Variants in TLN2 observed in about 807,000 individuals in gnomAD.
TLN2 encodes talin 2, also known as talin-2.
Under a neutral mutation model 294.7 loss-of-function variants are expected in TLN2, and 118 were observed. The observed-to-expected ratio is 0.40, with a 90% confidence interval of 0.34 to 0.47. TLN2 has a LOEUF of 0.47. Among genes scored for constraint, TLN2 ranks in the 20% least tolerant of loss-of-function variants. The probability of loss-of-function intolerance (pLI) is 0.84; values close to 1 mark genes in which losing one functional copy is unlikely to be tolerated. For missense variants in TLN2, 3,083 were observed against 3,282.2 expected (o/e 0.94, Z 1.48); for synonymous variants, 1,431 against 1,304.5 (o/e 1.10, Z -2.09).
rs962692200 is a variant in TLN2 at position 62,766,501 on chromosome 15, A to G, written c.5196+79A>G. ...GGGTTTTATTGACTTTACTGTTATC[A>G]TTCCCAAAAGCCTGTGGTGCAAGTA... On this transcript the variant is annotated intron_variant, in intron 41 of 58. Transcript: ENST00000636159. 5 of 1,382,106 alleles carry G rather than the reference A, an allele frequency of 3.6e-6. No homozygotes were observed. In the African/African-American group the frequency reaches 7.1e-5, roughly 20 times the overall value. The allele number at this position is 1,382,106 out of a possible 1,614,324, so 85.6% of individuals were successfully genotyped here.
chr15:62,653,838 A>G (rs1242990786), intron 7 of TLN2, among the ~76,000 whole-genome samples: 2 of 152,152 alleles, frequency 1.3e-5, no homozygotes, highest in Admixed American at 1.3e-4. Flanking sequence ...TTTCTTCATT[A>G]TTGTCTAAAA....
intron 9 of TLN2, among the ~76,000 whole-genome samples, chr15:62,669,910 C>T (rs1037827845): frequency 5.9e-5 from 9 of 152,170 alleles, no homozygotes; most frequent in African/African-American, 1.7e-4. Flanking sequence ...CCCCACAAAC[C>T]GATTCTTGAG....
chr15:62,588,192 T>A (rs1213235640), intron 1 of TLN2, among the ~76,000 whole-genome samples: 1 of 152,126 alleles, frequency 6.6e-6, no homozygotes, highest in Non-Finnish European at 1.5e-5. Context: ...AAATTACATA[T>A]TTTTATTGTT....
At chr15:62,610,415 T>G (rs895509090) in intron 2 of TLN2, among the ~76,000 whole-genome samples, 31 of 152,222 alleles carry the variant, frequency 2.0e-4, no homozygotes, top group Non-Finnish European at 3.1e-4. Flanking sequence ...ATACCTTACT[T>G]AATATATATT....
chr15:62,795,037 C>G, intron 46 of TLN2, among the ~76,000 whole-genome samples: 1 of 152,170 alleles, frequency 6.6e-6, no homozygotes, highest in East Asian at 1.9e-4. Context: ...ATCCTGAGGG[C>G]AAGAACGGTG....
chr15:62,495,109 C>G (rs1391653806), intron 1 of TLN2, among the ~76,000 whole-genome samples: 1 of 152,218 alleles, frequency 6.6e-6, no homozygotes, highest in Non-Finnish European at 1.5e-5. Flanking sequence ...TGCAATTGCA[C>G]TGTGCAATGC....
At chr15:62,695,379 C>T (rs1052543399) in intron 14 of TLN2, among the ~76,000 whole-genome samples, 1 of 152,150 alleles carries the variant, frequency 6.6e-6, no homozygotes, top group Non-Finnish European at 1.5e-5. Context: ...TCCTGCTTGC[C>T]TTGATAAGAC....
intron 9 of TLN2, among the ~76,000 whole-genome samples, chr15:62,671,045 A>G (rs1388975711): frequency 6.6e-6 from 1 of 152,154 alleles, no homozygotes; most frequent in Non-Finnish European, 1.5e-5. Flanking sequence ...ATAATGTTGA[A>G]CATGCTTTCA....
At chr15:62,505,811 C>G (rs2039585446) in intron 1 of TLN2, among the ~76,000 whole-genome samples, 1 of 152,114 alleles carries the variant, frequency 6.6e-6, no homozygotes, top group Admixed American at 6.6e-5. Flanking sequence ...AGTTTTTGAC[C>G]TTGTCTGCCT....
chr15:62,634,071 A>G (rs1439105149), intron 3 of TLN2, among the ~76,000 whole-genome samples: 1 of 152,222 alleles, frequency 6.6e-6, no homozygotes, highest in East Asian at 1.9e-4. Flanking sequence ...TTGCCTCTGT[A>G]AAGGTGCCAT....
intron 9 of TLN2, among the ~76,000 whole-genome samples, chr15:62,667,212 C>A (rs1024628413): frequency 1.3e-5 from 2 of 152,140 alleles, no homozygotes; most frequent in Admixed American, 6.5e-5. Context: ...GTGATCCGCC[C>A]GCCTTGGCCT....
At chr15:62,715,568 A>T (rs1395489957) in intron 22 of TLN2, among the ~76,000 whole-genome samples, 1 of 152,234 alleles carries the variant, frequency 6.6e-6, no homozygotes, top group Non-Finnish European at 1.5e-5. Context: ...ACCCATCTAA[A>T]TAAAATCCAC....
intron 19 of TLN2, among the ~76,000 whole-genome samples, chr15:62,706,156 C>T (rs561229175): frequency 1.9e-4 from 29 of 152,308 alleles, no homozygotes; most frequent in African/African-American, 7.0e-4. Context: ...AGGGAAAAGC[C>T]TTGACGTGTT....
chr15:62,796,597 A>T (rs897588141), intron 47 of TLN2, among the ~76,000 whole-genome samples: 9 of 152,140 alleles, frequency 5.9e-5, no homozygotes, highest in African/African-American at 2.2e-4. Flanking sequence ...GGCCAACCCC[A>T]GCAGGATTGG....
At chr15:62,713,270 TC>T (rs2059539397) in intron 22 of TLN2, among the ~76,000 whole-genome samples, 1 of 20,740 alleles carries the variant, frequency 4.8e-5, no homozygotes, top group African/African-American at 8.9e-5. Context: ...AACCTGCGTC[TC>T]AAAAAAAAAA....
At position 62,714,189 on chromosome 15, in the gene TLN2, GTTT is replaced by G. The variant is rs5813163; in HGVS notation, c.2635-2125_2635-2123del. Among the ~76,000 whole-genome samples, 280 of 96,450 alleles carry G rather than the reference GTTT, an allele frequency of 2.9e-3. 2 individuals are homozygous for G. The highest frequency in any genetic ancestry group is 8.3e-3 in the Middle Eastern group (1 of 120). The allele number at this position is 96,450 out of a possible 152,430, so 63.3% of individuals were successfully genotyped here. A position where few individuals can be genotyped will look rare whatever the true frequency, so the allele number is the denominator to read the frequency against. On this transcript the variant is annotated intron_variant, in intron 22 of 58. Transcript: ENST00000636159. ...AGTATTGAGCCAGGCCAATGTGCAC[GTTT>G]TTTTTTTTTTTTTTTTCTTTTTTTT...
chr15:62,687,708 T>G (rs2057402311), intron 12 of TLN2: 1 of 152,054 alleles, frequency 6.6e-6, no homozygotes, highest in African/African-American at 2.4e-5. Flanking sequence ...TAATAGGACA[T>G]CAGAAAAAAA....
intron 45 of TLN2, among the ~76,000 whole-genome samples, chr15:62,789,645 C>A (rs1285723217): frequency 6.6e-6 from 1 of 152,162 alleles, no homozygotes; most frequent in East Asian, 1.9e-4. Flanking sequence ...CCCTCCCACT[C>A]TCAAGGGGAT....
rs1246454002 is a variant in TLN2 at position 62,770,908 on chromosome 15, A to G, written c.5197-56A>G. 2.6e-6 allele frequency: 4 copies of G among 1,555,656 alleles called. No individual in the cohort carries two copies. In the African/African-American group the frequency reaches 4.1e-5, roughly 16 times the overall value. ...CCGCGCCTGACTGTGGAGCCCCTGA[A>G]GGAGACACGTGTATTTACATGATAC... On this transcript the variant is annotated intron_variant, in intron 41 of 58. Transcript: ENST00000636159.
Sources: allele counts gnomAD v4.1 joint callset (sites outside exome capture counted in the v4.1 genomes callset), GRCh38; gene constraint gnomAD v4.1.1; transcripts MANE v1.5; gene names NCBI Gene and HGNC (gene_info 2026-07-23, HGNC 2026-07-21).